The following BCL6 variants were observed in gnomAD, a reference collection of about 807,000 sequenced individuals.
BCL6 encodes the protein B-cell lymphoma 6 protein.
BCL6 carries 7 observed loss-of-function variants against 59.5 expected under a neutral mutation model. The observed-to-expected ratio is 0.12, with a 90% confidence interval of 0.07 to 0.22. BCL6 has a LOEUF of 0.22. Ranked by LOEUF, BCL6 falls within the 10% of genes least tolerant of loss-of-function variation. The pLI, the probability that BCL6 is intolerant of heterozygous loss-of-function variation, is 1.00. For missense variants in BCL6, 685 were observed against 939.4 expected (o/e 0.73, Z 3.54); for synonymous variants, 339 against 349.7 (o/e 0.97, Z 0.34).
rs1054553374 is a variant in BCL6, at chr3:187,726,911, G to T, written c.1541-13C>A. On this transcript the variant is annotated splice_polypyrimidine_tract_variant and intron_variant, in intron 6 of 9. Coordinates refer to ENST00000406870, the MANE Select transcript of BCL6 (RefSeq NM_001706.5). The stretch of plus-strand genomic sequence containing the variant: ...AAGGCCCCGTTCTCTGTTGGAGGGT[G>T]GTAGGGGGACACCAAAGTCAGCACG... 1 of 1,613,572 alleles carries T rather than the reference G, an allele frequency of 6.2e-7. No homozygotes were observed. The highest frequency in any genetic ancestry group is 1.3e-5 in the African/African-American group (1 of 74,904).
chr3:187,745,150 T>A (rs1576886404), intron 1 of BCL6, among the ~76,000 whole-genome samples: 2 of 152,146 alleles, frequency 1.3e-5, no homozygotes, highest in East Asian at 1.9e-4. Flanking sequence ...TAACAATCTA[T>A]ATCCTATGGT....
chr3:187,736,199 G>A (rs1216923917), intron 1 of BCL6: 1 of 152,254 alleles, frequency 6.6e-6, no homozygotes, highest in East Asian at 1.9e-4. Flanking sequence ...TCCAAGGTTA[G>A]TGTGTGCATG....
chr3:187,744,639 G>T (rs1711802245), intron 1 of BCL6, among the ~76,000 whole-genome samples: 1 of 152,138 alleles, frequency 6.6e-6, no homozygotes, highest in Non-Finnish European at 1.5e-5. Flanking sequence ...TCTCGGTTCG[G>T]CTCGAAGGCA....
chr3:187,744,537 T>C (rs555312519), intron 1 of BCL6, among the ~76,000 whole-genome samples: 7 of 151,850 alleles, frequency 4.6e-5, no homozygotes, highest in South Asian at 2.1e-4. Flanking sequence ...TGAAAGGAAA[T>C]AGTAGACACG....
At chr3:187,744,807 A>C (rs568123318) in intron 1 of BCL6, among the ~76,000 whole-genome samples, 2 of 144,914 alleles carry the variant, frequency 1.4e-5, no homozygotes, top group African/African-American at 2.4e-5. Context: ...GCCAGGAGCG[A>C]CGGAGCAAGG....
chr3:187,735,168 T>C (rs973267350), intron 1 of BCL6, among the ~76,000 whole-genome samples: 1 of 152,214 alleles, frequency 6.6e-6, no homozygotes, highest in Non-Finnish European at 1.5e-5. Context: ...TATACATACA[T>C]ACATACATAT....
At chr3:187,733,396 G>T in intron 3 of BCL6, 137 bp downstream of exon 3, 2 of 990,248 alleles carry the variant, frequency 2.0e-6, no homozygotes, top group Non-Finnish European at 1.5e-6. Context: ...ACTGTGCCAC[G>T]CCATGGTGCT....
At chr3:187,744,032 C>G (rs1711743068) in intron 1 of BCL6, among the ~76,000 whole-genome samples, 1 of 152,160 alleles carries the variant, frequency 6.6e-6, no homozygotes, top group Admixed American at 6.5e-5. Context: ...GTTCGTCTTT[C>G]TCCTCGCCCA....
chr3:187,744,072 G>A, intron 1 of BCL6, among the ~76,000 whole-genome samples: 1 of 152,090 alleles, frequency 6.6e-6, no homozygotes, highest in East Asian at 1.9e-4. Flanking sequence ...CTGAAGCCTG[G>A]CGTCCACTAC....
intron 1 of BCL6, among the ~76,000 whole-genome samples, chr3:187,741,947 T>C (rs1248525226): frequency 6.6e-6 from 1 of 151,740 alleles, no homozygotes; most frequent in Non-Finnish European, 1.5e-5. Context: ...AGAACTCTTC[T>C]ACTTAAAATC....
At chr3:187,744,635 T>C (rs548782021) in intron 1 of BCL6, among the ~76,000 whole-genome samples, 10 of 152,172 alleles carry the variant, frequency 6.6e-5, no homozygotes, top group South Asian at 4.2e-4. Flanking sequence ...CAAATCTCGG[T>C]TCGGCTCGAA....
Position 187,725,585 on chromosome 3 carries a change from G to T in BCL6, c.1753C>A (p.Arg585=), listed in dbSNP as rs996848361. 1.2e-5 allele frequency: 20 copies of T among 1,614,106 alleles called. No individual in the cohort carries two copies. The East Asian group carries it at 4.5e-4, about 36-fold the overall frequency. The part of the protein sequence containing the change: ...RCNICGAQFN[R]PANLKTHTRI... ...GTGTGGGTTTTCAGGTTGGCTGGCCGGTTGAACTGGGCCCCACAGATGTTG... is the reference window on the plus strand; with the variant it reads ...GTGTGGGTTTTCAGGTTGGCTGGCCTGTTGAACTGGGCCCCACAGATGTTG... Residue 585 remains arginine, a synonymous_variant, in exon 8 of 10, where the codon CGG becomes AGG. Coordinates refer to ENST00000406870, the MANE Select transcript of BCL6 (RefSeq NM_001706.5). The surrounding 1 kb of genome is among the most constrained non-coding windows in gnomAD (Gnocchi z 4.7).
chr3:187,737,347 C>CAGAGAGAGAGAGAGAG (rs67618905), intron 1 of BCL6: 16 of 68,470 alleles, frequency 2.3e-4, no homozygotes, highest in African/African-American at 8.9e-4. Flanking sequence ...GCAGAAACGA[C>CAGAGAGAGAGAGAGAG]AGAGAGAGAG....
rs1718411012 is a variant in BCL6 at position 187,721,504 on chromosome 3, G to A, written c.*954C>T. 1.3e-5 allele frequency: 3 copies of A among 233,278 alleles called. No individual in the cohort carries two copies. The highest frequency in any genetic ancestry group is 6.6e-5 in the African/African-American group (3 of 45,392). 14.5% of individuals were successfully genotyped at this position (233,278 alleles called of 1,614,324 possible). On this transcript the variant is annotated 3_prime_UTR_variant, in exon 10 of 10. Coordinates refer to ENST00000406870, the MANE Select transcript of BCL6 (RefSeq NM_001706.5). This position sits in a 1 kb window ranked among gnomAD's most constrained non-coding sequence, Gnocchi z 4.2. The stretch of plus-strand genomic sequence containing the variant: ...ATAACACAAGCATGACGCAGAATGG[G>A]ATGAGACAAACATTCCCAAAGAGAG...
At chr3:187,723,936 C>T (rs551888068) in intron 9 of BCL6, among the ~76,000 whole-genome samples, 1 of 152,314 alleles carries the variant, frequency 6.6e-6, no homozygotes, top group South Asian at 2.1e-4. Context: ...TTAGTTAATA[C>T]TACAACTCCA....
chr3:187,745,286 G>C (rs1576886756), intron 1 of BCL6, 124 bp downstream of exon 1: 7 of 393,158 alleles, frequency 1.8e-5, no homozygotes, highest in East Asian at 7.2e-5. Flanking sequence ...GGCAAGAGCG[G>C]AAAAAAAAAG....
Position 187,729,463 on chromosome 3 carries a change from C to A in BCL6, c.942G>T (p.Leu314=). ...GGGGTGCATTGGGGGGCTCGAAATGCAGGGCAATCTCATCTTCCGAGGAGG... is the reference window on the plus strand; with the variant it reads ...GGGGTGCATTGGGGGGCTCGAAATGAAGGGCAATCTCATCTTCCGAGGAGG... ...ERPSSEDEIA[L]HFEPPNAPLN... is the part of the protein sequence containing the mutation. The change falls in exon 5 of 10, where the codon CTG becomes CTT. Residue 314 remains leucine, a synonymous_variant. Coordinates refer to ENST00000406870, the MANE Select transcript of BCL6 (RefSeq NM_001706.5). This position sits in a 1 kb window ranked among gnomAD's most constrained non-coding sequence, Gnocchi z 5.6. The A allele has an allele frequency of 1.2e-6, 2 of 1,610,260 alleles. No individual in the cohort carries two copies. The highest frequency in any genetic ancestry group is 2.2e-5 in the South Asian group (2 of 90,778).
chr3:187,736,692 G>A (rs944575282), intron 1 of BCL6: 1 of 152,106 alleles, frequency 6.6e-6, no homozygotes, highest in Admixed American at 6.6e-5. Flanking sequence ...ACATACACGA[G>A]GCGCAGGTCC....
chr3:187,745,302 A>G (rs56263379), intron 1 of BCL6, 108 bp downstream of exon 1: 3 of 399,352 alleles, frequency 7.5e-6, no homozygotes, highest in South Asian at 1.2e-4. Context: ...AAAAGAATTA[A>G]AAGGTAAAAT....
Sources: gnomAD v4.1 joint callset for allele counts (sites outside exome capture counted in the v4.1 genomes callset) on GRCh38, gnomAD v4.1.1 for gene constraint, Gnocchi (gnomAD v3.1) non-coding constraint, MANE v1.5 for transcripts, NCBI Gene and HGNC (gene_info 2026-07-23, HGNC 2026-07-21) for gene names.